The following SRC variants were observed in gnomAD, a reference collection of about 807,000 sequenced individuals.
SRC encodes the protein proto-oncogene tyrosine-protein kinase Src.
In SRC, 13 loss-of-function variants were observed where a neutral mutation model predicts 62.9. That is an observed-to-expected ratio of 0.21 (90% CI 0.13 to 0.33). The LOEUF is 0.33. Among genes scored for constraint, SRC ranks in the 10% least tolerant of loss-of-function variants. The pLI is 1.00. For missense variants in SRC, 457 were observed against 737.3 expected, an observed-to-expected ratio of 0.62 and a Z score of 4.40; for synonymous variants, 302 against 317.5, an observed-to-expected ratio of 0.95 and a Z score of 0.52.
Position 37,402,653 on chromosome 20 carries a change from C to T in SRC, c.1270+65C>T, listed in dbSNP as rs62208296. On this transcript the variant is annotated intron_variant, in intron 12 of 13. Coordinates refer to ENST00000373578, the MANE Select transcript of SRC (RefSeq NM_198291.3). This position sits in a 1 kb window ranked among gnomAD's most constrained non-coding sequence, Gnocchi z 6.2. The stretch of plus-strand genomic sequence containing the variant: ...ACAGGTCACGTCCCGCTCTGAGCCC[C>T]AGTTTTTTCCTCAGCTGTCATTCCT... 1.3e-6 allele frequency: 2 copies of T among 1,572,294 alleles called. No individual in the cohort carries two copies. Among genetic ancestry groups the T allele is most frequent in the South Asian group, 1.2e-5 (1 of 84,590 alleles).
chr20:37,390,664 C>T (rs895547858), intron 5 of SRC, among the ~76,000 whole-genome samples: 5 of 152,118 alleles, frequency 3.3e-5, no homozygotes, highest in Non-Finnish European at 7.3e-5. Context: ...CTTGGCCTCC[C>T]GAAGTGTTGG....
intron 5 of SRC, chr20:37,386,555 C>T (rs533294215): frequency 8.2e-4 from 576 of 701,326 alleles, no homozygotes; most frequent in Non-Finnish European, 1.3e-3. Context: ...CATGTGCTTC[C>T]ACTCCCTGCC....
chr20:37,405,272 A>G lies in SRC; in HGVS notation c.*1893A>G. 6.9e-6 allele frequency: 1 copy of G among 145,586 alleles called. No individual in the cohort carries two copies. The highest frequency in any genetic ancestry group is 1.4e-5 in the Non-Finnish European group (1 of 71,142). 9.0% of individuals were successfully genotyped at this position (145,586 alleles called of 1,614,324 possible). On this transcript the variant is annotated 3_prime_UTR_variant, in exon 14 of 14. Transcript: ENST00000373578. ...AGTGTTTTGTAGATTTCAGATGACT[A>G]TGCAGAGGCCTGGGGGACCCCTGGC...
At chr20:37,399,381 C>T (rs2070705067) in intron 9 of SRC, among the ~76,000 whole-genome samples, 1 of 152,130 alleles carries the variant, frequency 6.6e-6, no homozygotes, top group African/African-American at 2.4e-5. Flanking sequence ...AATCCCTGGG[C>T]CAGCTCCACA....
Position 37,396,435 on chromosome 20 carries a change from TC to T in SRC, c.703+130del, listed in dbSNP as rs1159143315. The T allele has an allele frequency of 9.2e-6, 10 of 1,088,178 alleles. No homozygotes were observed. The highest frequency in any genetic ancestry group is 5.0e-5 in the African/African-American group (3 of 60,498). The allele number at this position is 1,088,178 out of a possible 1,614,324, so 67.4% of individuals were successfully genotyped here. ...TCCTGCTTCTCTCCCCACTTCCCCC[TC>T]CCCCCTCCCTTCCTCTCTCCTCCCT... On this transcript the variant is annotated intron_variant, in intron 8 of 13. Coordinates refer to ENST00000373578, the MANE Select transcript of SRC (RefSeq NM_198291.3). This position sits in a 1 kb window ranked among gnomAD's most constrained non-coding sequence, Gnocchi z 6.1.
Position 37,402,523 on chromosome 20 carries a change from T to C in SRC, c.1205T>C (p.Val402Ala). 6.2e-7 allele frequency: 1 copy of C among 1,613,850 alleles called. No individual in the cohort carries two copies. The highest frequency in any genetic ancestry group is 8.5e-7 in the Non-Finnish European group (1 of 1,179,948). The stretch of plus-strand genomic sequence containing the variant: ...AACATCCTGGTGGGAGAGAACCTGG[T>C]GTGCAAAGTGGCGGACTTTGGGCTG... ...AANILVGENL[V>A]CKVADFGLAR... Residue 402 changes from valine (V) to alanine (A), a missense_variant, in exon 12 of 14, where the codon GTG becomes GCG. Transcript: ENST00000373578. This position sits in a 1 kb window ranked among gnomAD's most constrained non-coding sequence, Gnocchi z 6.2.
chr20:37,348,990 G>A (rs115744785), intron 1 of SRC, among the ~76,000 whole-genome samples: 2 of 152,072 alleles, frequency 1.3e-5, no homozygotes, highest in Admixed American at 6.6e-5. Context: ...AAGGGGAGTG[G>A]GTAAGAGGTA....
intron 2 of SRC, among the ~76,000 whole-genome samples, chr20:37,376,144 A>C (rs1382568652): frequency 6.6e-6 from 1 of 152,184 alleles, no homozygotes; most frequent in Admixed American, 6.5e-5. Flanking sequence ...TTCCCTGTAA[A>C]GGGGCTTTTG....
intron 1 of SRC, among the ~76,000 whole-genome samples, chr20:37,358,798 C>T (rs1600959140): frequency 6.6e-6 from 1 of 152,372 alleles, no homozygotes; most frequent in South Asian, 2.1e-4. Context: ...CAGGCCCCGT[C>T]CCCAGTGCAC....
intron 2 of SRC, among the ~76,000 whole-genome samples, chr20:37,377,568 A>T (rs2070296812): frequency 6.6e-6 from 1 of 152,192 alleles, no homozygotes; most frequent in East Asian, 1.9e-4. Context: ...GGTTGGGTAG[A>T]TCATTGTGGG....
intron 5 of SRC, among the ~76,000 whole-genome samples, chr20:37,393,199 G>A (rs911537820): frequency 6.6e-6 from 1 of 152,220 alleles, no homozygotes; most frequent in Non-Finnish European, 1.5e-5. Flanking sequence ...CTTTGGGCAA[G>A]TCCCAGCCCC....
At chr20:37,400,347 G>T in intron 10 of SRC, 53 bp downstream of exon 10, 1 of 1,484,550 alleles carries the variant, frequency 6.7e-7, no homozygotes, top group South Asian at 1.3e-5. Context: ...ACAGGGCAGG[G>T]AGCATGAGCC....
chr20:37,405,294 T>C lies in SRC; in HGVS notation c.*1915T>C, dbSNP rs1173929706. 1 of 134,312 alleles carries C rather than the reference T, an allele frequency of 7.4e-6. No individual in the cohort carries two copies. Among genetic ancestry groups the C allele is most frequent in the Non-Finnish European group, 1.5e-5 (1 of 65,840 alleles). The allele number at this position is 134,312 out of a possible 1,614,324, so 8.3% of individuals were successfully genotyped here. On this transcript the variant is annotated 3_prime_UTR_variant, in exon 14 of 14. Coordinates refer to ENST00000373578, the MANE Select transcript of SRC (RefSeq NM_198291.3). Reference sequence around the variant, plus strand: ...ACTATGCAGAGGCCTGGGGGACCCCTGGCTCTGGGCCGGGCCTGGGGCTCC... The same window carrying C: ...ACTATGCAGAGGCCTGGGGGACCCCCGGCTCTGGGCCGGGCCTGGGGCTCC...
At chr20:37,393,287 G>T (rs2070583220) in intron 5 of SRC, among the ~76,000 whole-genome samples, 1 of 152,208 alleles carries the variant, frequency 6.6e-6, no homozygotes, top group Non-Finnish European at 1.5e-5. Context: ...AGCCCTTTAG[G>T]TGTGACCCGT....
At chr20:37,370,210 T>C (rs780992200) in intron 2 of SRC, among the ~76,000 whole-genome samples, 1 of 152,244 alleles carries the variant, frequency 6.6e-6, no homozygotes, top group Non-Finnish European at 1.5e-5. Flanking sequence ...CTACATGTAT[T>C]AGAATTATTA....
chr20:37,394,350 G>A, intron 7 of SRC, 73 bp downstream of exon 7: 1 of 1,403,404 alleles, frequency 7.1e-7, no homozygotes. Flanking sequence ...TGTGGAATGA[G>A]CAGGAGTTTG....
At chr20:37,389,754 T>C (rs1044108875) in intron 5 of SRC, among the ~76,000 whole-genome samples, 4 of 152,196 alleles carry the variant, frequency 2.6e-5, no homozygotes, top group Admixed American at 6.5e-5. Flanking sequence ...CAAAAGAGGA[T>C]CCTGAGGCTC....
rs952993428 is a variant in SRC at position 37,384,814 on chromosome 20, C to T, written c.250+411C>T. ...CTGGGTCGCTCGGGGAACGGGGCAC[C>T]GGATGGCCCCGGTTGGGCCCGCGCC... On this transcript the variant is annotated intron_variant, in intron 4 of 13. Transcript: ENST00000373578. The surrounding 1 kb of genome is among the most constrained non-coding windows in gnomAD (Gnocchi z 6.7). Among the ~76,000 whole-genome samples, 4 of 152,198 alleles carry T rather than the reference C, an allele frequency of 2.6e-5. No individual in the cohort carries two copies. The highest frequency in any genetic ancestry group is 2.0e-4 in the Admixed American group (3 of 15,286).
chr20:37,350,475 T>C (rs1184265419), intron 1 of SRC, among the ~76,000 whole-genome samples: 3 of 152,104 alleles, frequency 2.0e-5, no homozygotes, highest in Non-Finnish European at 4.4e-5. Flanking sequence ...GGCTGTACCT[T>C]AGGTCCCCAC....
Sources: allele counts gnomAD v4.1 joint callset (sites outside exome capture counted in the v4.1 genomes callset), GRCh38; gene constraint gnomAD v4.1.1; non-coding constraint Gnocchi (gnomAD v3.1); transcripts MANE v1.5; gene names NCBI Gene and HGNC (gene_info 2026-07-23, HGNC 2026-07-21).